SELENOT: variants seen among roughly 807,000 people sequenced by gnomAD.
SELENOT encodes selenoprotein T.
A neutral mutation model predicts 24.3 loss-of-function variants in SELENOT; 9 were observed. The ratio of observed to expected loss-of-function variants is 0.37; its 90% CI spans 0.22 to 0.65. The LOEUF (loss-of-function observed/expected upper bound fraction) is 0.65. Among genes scored for constraint, SELENOT ranks in the 30% least tolerant of loss-of-function variants. SELENOT has a pLI of 0.60. For synonymous variants in SELENOT, 81 were observed against 86.0 expected (o/e 0.94, Z 0.32); for missense variants, 166 against 247.6 (o/e 0.67, Z 2.21).
intron 1 of SELENOT, chr3:150,611,113 A>G: frequency 3.6e-6 from 2 of 553,512 alleles, no homozygotes; most frequent in Non-Finnish European, 6.3e-6. Flanking sequence ...CTCATTTTAC[A>G]TGAGTTTCCA....
At chr3:150,607,077 A>ATT (rs1268767242) in intron 1 of SELENOT, among the ~76,000 whole-genome samples, 2 of 152,220 alleles carry the variant, frequency 1.3e-5, no homozygotes, top group African/African-American at 4.8e-5. Flanking sequence ...TACAGTTAAT[A>ATT]TTTACTTGAA....
rs1027481517 is a variant in SELENOT, at chr3:150,622,972, T to C, written c.249-71T>C. On this transcript the variant is annotated intron_variant, in intron 2 of 5. Coordinates refer to ENST00000471696, the MANE Select transcript of SELENOT (RefSeq NM_016275.5). ...GTGTCTAGAAAATCTTTACATACAC[T>C]TGAATTACTAAATTTTAAAGTAGAT... 3 of 1,355,360 alleles carry C rather than the reference T, an allele frequency of 2.2e-6. No individual in the cohort carries two copies. The Admixed American group carries it at 8.0e-5, about 36-fold the overall frequency. The allele number at this position is 1,355,360 out of a possible 1,614,324, so 84.0% of individuals were successfully genotyped here.
Position 150,622,469 on chromosome 3 carries a change from G to C in SELENOT, c.222G>C (p.Glu74Asp), listed in dbSNP as rs1425958940. Residue 74 changes from glutamate (E) to aspartate (D), a missense_variant, in exon 2 of 6, where the codon GAG becomes GAC. Glu to Asp is a conservative substitution (Grantham distance 45, BLOSUM62 2). Coordinates refer to ENST00000471696, the MANE Select transcript of SELENOT (RefSeq NM_016275.5). Reference protein sequence around the residue: ...QRYPDIRIEGENYLPQPIYRH... With the variant: ...QRYPDIRIEGDNYLPQPIYRH... ...ACCCAGACATCCGCATTGAAGGAGA[G>C]AATTACCTCCCTCAACCAATATATA... The C allele has an allele frequency of 6.7e-7, 1 of 1,494,580 alleles. No individual in the cohort carries two copies. The highest frequency in any genetic ancestry group is 1.4e-5 in the African/African-American group (1 of 71,312). 92.6% of individuals were successfully genotyped at this position (1,494,580 alleles called of 1,614,324 possible). A position where few individuals can be genotyped will look rare whatever the true frequency, so the allele number is the denominator to read the frequency against.
chr3:150,618,671 G>A (rs1264957090), intron 1 of SELENOT: 1 of 154,108 alleles, frequency 6.5e-6, no homozygotes, highest in Non-Finnish European at 1.5e-5. Flanking sequence ...TCAGATACGT[G>A]GTACCATACC....
chr3:150,622,578 A>C (rs562716170), intron 2 of SELENOT, 83 bp downstream of exon 2: 1 of 551,434 alleles, frequency 1.8e-6, no homozygotes, highest in Non-Finnish European at 3.0e-6. Flanking sequence ...AGCTGTCCTT[A>C]GTTATTGTAA....
At chr3:150,614,244 G>A (rs979028533) in intron 1 of SELENOT, among the ~76,000 whole-genome samples, 6 of 152,224 alleles carry the variant, frequency 3.9e-5, no homozygotes, top group Non-Finnish European at 7.3e-5. Flanking sequence ...ATGGAGGCAG[G>A]TAGGGGATGA....
At chr3:150,625,601 G>A (rs1346549122) in intron 4 of SELENOT, among the ~76,000 whole-genome samples, 2 of 151,736 alleles carry the variant, frequency 1.3e-5, no homozygotes, top group Non-Finnish European at 2.9e-5. Context: ...TGGCAAATAC[G>A]GCCTATGAGC....
Position 150,630,316 on chromosome 3 carries a change from G to T in SELENOT, c.*2687G>T, listed in dbSNP as rs977555546. On this transcript the variant is annotated 3_prime_UTR_variant, in exon 6 of 6. Coordinates refer to ENST00000471696, the MANE Select transcript of SELENOT (RefSeq NM_016275.5). ...AATAGCTTACAGGATTTTAAACATG[G>T]TGTGGTATTCTAAAGCCTTTTTTTT... The T allele has an allele frequency of 2.6e-5, 4 of 152,074 alleles. No homozygotes were observed. The highest frequency in any genetic ancestry group is 9.7e-5 in the African/African-American group (4 of 41,426). 9.4% of individuals were successfully genotyped at this position (152,074 alleles called of 1,614,324 possible).
rs10663147 is a variant in SELENOT at position 150,605,037 on chromosome 3, C to CAAAAA, written c.137+1551_137+1555dup. On this transcript the variant is annotated intron_variant, in intron 1 of 5. Coordinates refer to ENST00000471696, the MANE Select transcript of SELENOT (RefSeq NM_016275.5). ...GGGCAACAAGAGCGAAACTCCGTCT[C>CAAAAA]AAAAAAAAAAAAAAAAACCTCCCTG... Among the ~76,000 whole-genome samples the CAAAAA allele has an allele frequency of 5.9e-3, 685 of 117,058 alleles. 4 individuals are homozygous for CAAAAA. The highest frequency in any genetic ancestry group is 0.011 in the African/African-American group (328 of 28,566). The allele number at this position is 117,058 out of a possible 152,430, so 76.8% of individuals were successfully genotyped here.
chr3:150,609,236 G>A (rs1726031775), intron 1 of SELENOT, among the ~76,000 whole-genome samples: 1 of 152,292 alleles, frequency 6.6e-6, no homozygotes, highest in Non-Finnish European at 1.5e-5. Flanking sequence ...TTTTCGGCCT[G>A]GCCTCCGTGC....
rs79358608 is a variant in SELENOT at position 150,624,766 on chromosome 3, A to C, written c.376-46A>C. ...TTAAAGTAGATTAAAAAGAGCATTT[A>C]CCAAACATGACTTTGCCTGTTGTGC... On this transcript the variant is annotated intron_variant, in intron 3 of 5. Transcript: ENST00000471696. 4,576 of 1,222,580 alleles carry C rather than the reference A, an allele frequency of 3.7e-3. 133 individuals are homozygous for C. In the African/African-American group the frequency reaches 0.062, roughly 17 times the overall value. 75.7% of individuals were successfully genotyped at this position (1,222,580 alleles called of 1,614,324 possible).
At chr3:150,613,461 C>G (rs1726142690) in intron 1 of SELENOT, among the ~76,000 whole-genome samples, 1 of 151,832 alleles carries the variant, frequency 6.6e-6, no homozygotes, top group Non-Finnish European at 1.5e-5. Flanking sequence ...ACTTACTAGT[C>G]TTAAGGTAGT....
chr3:150,613,355 A>G (rs1251915619), intron 1 of SELENOT, among the ~76,000 whole-genome samples: 1 of 152,236 alleles, frequency 6.6e-6, no homozygotes, highest in East Asian at 1.9e-4. Flanking sequence ...TGTAGGACAT[A>G]TTCAAACCAT....
chr3:150,623,947 T>C (rs1297111317), intron 3 of SELENOT, among the ~76,000 whole-genome samples: 1 of 152,144 alleles, frequency 6.6e-6, no homozygotes, highest in Non-Finnish European at 1.5e-5. Context: ...CCTTTAATTC[T>C]AGGCTGAATA....
rs538260447 is a variant in SELENOT, at chr3:150,605,137, CTT to C, written c.137+1643_137+1644del. Among the ~76,000 whole-genome samples the C allele has an allele frequency of 1.1e-4, 16 of 151,246 alleles. No individual in the cohort carries two copies. In the East Asian group the frequency reaches 3.1e-3, roughly 29 times the overall value. ...AATGGGAGAATGGTTTATCCATTAA[CTT>C]TTTTCCTTAATTTTTAAATTAGAAG... On this transcript the variant is annotated intron_variant, in intron 1 of 5. Coordinates refer to ENST00000471696, the MANE Select transcript of SELENOT (RefSeq NM_016275.5).
chr3:150,604,162 C>G (rs1414080603), intron 1 of SELENOT, among the ~76,000 whole-genome samples: 1 of 152,250 alleles, frequency 6.6e-6, no homozygotes, highest in Non-Finnish European at 1.5e-5. Flanking sequence ...TGACAGTTCG[C>G]TCGCATTCCC....
Position 150,605,174 on chromosome 3 carries a change from A to G in SELENOT, c.137+1675A>G, listed in dbSNP as rs993162330. Among the ~76,000 whole-genome samples, 4 of 152,314 alleles carry G rather than the reference A, an allele frequency of 2.6e-5. 1 individual carries two copies. ...ATTTTTAAATTAGAAGGTGGTAATC[A>G]TCTTACTAACCTAAAGATTGTTAAG... On this transcript the variant is annotated intron_variant, in intron 1 of 5. Transcript: ENST00000471696.
rs986819954 is a variant in SELENOT, at chr3:150,603,396, T to G, written c.34T>G (p.Ser12Ala). The G allele has an allele frequency of 2.5e-6, 4 of 1,613,074 alleles. No homozygotes were observed. Among genetic ancestry groups the G allele is most frequent in the Admixed American group, 3.3e-5 (2 of 59,996 alleles). ...RLLLLLLVAA[S>A]AMVRSEASAN... is the part of the protein sequence containing the mutation. Reference sequence around the variant, plus strand: ...TCTGCTGCTTCTCCTAGTGGCGGCGTCTGCGATGGTCCGGAGCGAGGCCTC... The same window carrying G: ...TCTGCTGCTTCTCCTAGTGGCGGCGGCTGCGATGGTCCGGAGCGAGGCCTC... The change falls in exon 1 of 6, where the codon TCT becomes GCT. Residue 12 changes from serine (S) to alanine (A), a missense_variant. This residue lies in a region of SELENOT where 46 missense variants were observed against 49.3 expected (regional missense o/e 0.93). Transcript: ENST00000471696.
At chr3:150,622,100 TAA>T (rs903466763) in intron 1 of SELENOT, among the ~76,000 whole-genome samples, 7 of 152,010 alleles carry the variant, frequency 4.6e-5, no homozygotes, top group Admixed American at 2.6e-4. Context: ...CCCAAATCTA[TAA>T]AGTTTAATGT....
Sources: allele counts gnomAD v4.1 joint callset (sites outside exome capture counted in the v4.1 genomes callset), GRCh38; gene constraint gnomAD v4.1.1; regional missense constraint gnomAD v4.1.1; transcripts MANE v1.5; gene names NCBI Gene and HGNC (gene_info 2026-07-23, HGNC 2026-07-21).